Variants in EPG5 observed in about 807,000 individuals in gnomAD.
EPG5 encodes ectopic P-granules 5 autophagy tethering factor.
EPG5 carries 159 observed loss-of-function variants against 302.7 expected under a neutral mutation model. That is an observed-to-expected ratio of 0.53 (90% CI 0.46 to 0.60). The LOEUF is 0.60. Among genes scored for constraint, EPG5 ranks in the 20% least tolerant of loss-of-function variants. The pLI is 0.00. For synonymous variants in EPG5, 1,158 were observed against 1,136.8 expected, an observed-to-expected ratio of 1.02 and a Z score of -0.37; for missense variants, 2,896 against 3,092.4, an observed-to-expected ratio of 0.94 and a Z score of 1.51.
Position 45,908,098 on chromosome 18 carries a change from T to TA in EPG5, c.4206-18dup. 1 of 1,482,508 alleles carries TA rather than the reference T, an allele frequency of 6.7e-7. No homozygotes were observed. The highest frequency in any genetic ancestry group is 1.4e-5 in the African/African-American group (1 of 69,498). 91.8% of individuals were successfully genotyped at this position (1,482,508 alleles called of 1,614,324 possible). ...TTGAAGAGCCTAAAAGATAAAAACATAATTATACGAAACATAAAAAGATGA... is the reference window on the plus strand; with the variant it reads ...TTGAAGAGCCTAAAAGATAAAAACATAAATTATACGAAACATAAAAAGATGA... On this transcript the variant is annotated splice_polypyrimidine_tract_variant and intron_variant, in intron 23 of 43. Coordinates refer to ENST00000282041, the MANE Select transcript of EPG5 (RefSeq NM_020964.3).
At chr18:45,904,946 T>A (rs369297805) in intron 24 of EPG5, among the ~76,000 whole-genome samples, 1 of 152,124 alleles carries the variant, frequency 6.6e-6, no homozygotes, top group Non-Finnish European at 1.5e-5. Flanking sequence ...GGGCTATAGA[T>A]GAAACTAGAC....
At chr18:45,900,864 C>T in intron 26 of EPG5, 132 bp downstream of exon 26, 4 of 804,582 alleles carry the variant, frequency 5.0e-6, no homozygotes, top group East Asian at 2.6e-5. Context: ...CCAAGTGAAC[C>T]GTCTGGGCCA....
downstream of EPG5, chr18:45,843,634 C>G (rs1002504574): frequency 1.3e-5 from 2 of 152,222 alleles, no homozygotes; most frequent in African/African-American, 2.4e-5. Context: ...ATCCCAGCAC[C>G]CTGGGAGGCC....
intron 21 of EPG5, among the ~76,000 whole-genome samples, chr18:45,913,232 T>A (rs1480704044): frequency 6.6e-6 from 1 of 152,146 alleles, no homozygotes; most frequent in African/African-American, 2.4e-5. Flanking sequence ...AAAAGCAAAT[T>A]CTTTAACAGG....
chr18:45,859,537 C>T (rs1037861721), intron 40 of EPG5, among the ~76,000 whole-genome samples: 1 of 152,186 alleles, frequency 6.6e-6, no homozygotes, highest in Non-Finnish European at 1.5e-5. Flanking sequence ...GTGCTGTTCT[C>T]AGCAATTCTT....
intron 39 of EPG5, among the ~76,000 whole-genome samples, chr18:45,861,547 C>T (rs546930172): frequency 7.2e-5 from 11 of 152,178 alleles, no homozygotes; most frequent in Admixed American, 2.0e-4. Flanking sequence ...TATTATTCAA[C>T]CTTCCTGGTT....
intron 14 of EPG5, among the ~76,000 whole-genome samples, chr18:45,924,184 C>T (rs1004274084): frequency 9.9e-5 from 15 of 152,274 alleles, no homozygotes; most frequent in Middle Eastern, 6.8e-3. Flanking sequence ...CACTATCTTC[C>T]TTTGCAGCCT....
rs994903742 is a variant in EPG5 at position 45,954,670 on chromosome 18, T to C, written c.732A>G (p.Pro244=). The change falls in exon 2 of 44, where the codon CCA becomes CCG. Residue 244 remains proline (P), a synonymous_variant. Coordinates refer to ENST00000282041, the MANE Select transcript of EPG5 (RefSeq NM_020964.3). ...KPLLRSERLY[P]ELPSQLELVP... is the part of the protein sequence containing the mutation. ...CTAGTTCCAGTTGAGACGGGAGTTC[T>C]GGGTAGAGTCGCTCACTGCGAAGCA... 2.1e-5 allele frequency: 34 copies of C among 1,614,258 alleles called. No homozygotes were observed. Among genetic ancestry groups the C allele is most frequent in the Non-Finnish European group, 2.4e-5 (28 of 1,180,054 alleles).
intron 20 of EPG5, 41 bp from the exon 21 acceptor site, chr18:45,913,869 C>T (rs566483792): frequency 1.2e-5 from 20 of 1,603,602 alleles, no homozygotes; most frequent in East Asian, 6.7e-5. Flanking sequence ...AGGAGGAGCT[C>T]GCCCCACTGA....
intron 22 of EPG5, among the ~76,000 whole-genome samples, chr18:45,911,304 T>C (rs947711523): frequency 2.0e-5 from 3 of 147,210 alleles, no homozygotes; most frequent in South Asian, 2.2e-4. Flanking sequence ...TTTTTTTTTT[T>C]AGACAGACTC....
rs373515613 is a variant in EPG5 at position 45,867,614 on chromosome 18, G to A, written c.6360C>T (p.Leu2120=). Residue 2120 remains leucine (L), a synonymous_variant, in exon 37 of 44, where the codon CTC becomes CTT. Transcript: ENST00000282041. The stretch of plus-strand genomic sequence containing the variant: ...TTGCCAATAAAATCATCATGAAAAG[G>A]AGGCAGACAATCATGCTGCGGGTTT... ...HPETRSMIVC[L]LFMMILLAKE... 39 of 1,614,064 alleles carry A rather than the reference G, an allele frequency of 2.4e-5. No homozygotes were observed. The highest frequency in any genetic ancestry group is 1.3e-4 in the Admixed American group (8 of 60,012).
downstream of EPG5, among the ~76,000 whole-genome samples, chr18:45,844,870 T>C (rs1404408597): frequency 6.6e-6 from 1 of 152,226 alleles, no homozygotes; most frequent in Non-Finnish European, 1.5e-5. Context: ...TTGGAACATC[T>C]GCCTGGTCTT....
chr18:45,949,088 C>T (rs2050848993), intron 5 of EPG5, among the ~76,000 whole-genome samples: 1 of 152,164 alleles, frequency 6.6e-6, no homozygotes, highest in African/African-American at 2.4e-5. Flanking sequence ...CCTGAGATCT[C>T]TGCTAATATT....
At chr18:45,859,249 T>C (rs777432256) in intron 40 of EPG5, among the ~76,000 whole-genome samples, 1 of 152,266 alleles carries the variant, frequency 6.6e-6, no homozygotes, top group Non-Finnish European at 1.5e-5. Flanking sequence ...GTTTAACTCA[T>C]GTATTGAAAC....
At chr18:45,953,767 T>C (rs2050962502) in intron 2 of EPG5, 18 of 985,376 alleles carry the variant, frequency 1.8e-5, no homozygotes, top group Non-Finnish European at 2.2e-5. Context: ...TCCACTGGCA[T>C]CATCCTGGAG....
chr18:45,900,434 C>A (rs2049586452), intron 26 of EPG5, among the ~76,000 whole-genome samples: 1 of 148,756 alleles, frequency 6.7e-6, no homozygotes. Context: ...GAAATTGATT[C>A]ACATAGGATT....
chr18:45,899,553 GAA>G lies in EPG5; in HGVS notation c.4658_4659del (p.Leu1553ProfsTer11). 1 of 1,614,004 alleles carries G rather than the reference GAA, an allele frequency of 6.2e-7. No homozygotes were observed. Among genetic ancestry groups the G allele is most frequent in the South Asian group, 1.1e-5 (1 of 91,080 alleles). On this transcript the variant is annotated frameshift_variant, in exon 27 of 44. Transcript: ENST00000282041. LOFTEE classifies it high-confidence loss of function. ...LLQQQARTAA[L>X]RESQQVALDG... Reference sequence around the variant, plus strand: ...TCCAGAGCAACCTGCTGAGATTCCCGAAGAGCTGCGGTTCTGAAAAACATCAT... The same window carrying G: ...TCCAGAGCAACCTGCTGAGATTCCCGGAGCTGCGGTTCTGAAAAACATCAT...
At chr18:45,913,393 C>T (rs750697556) in intron 21 of EPG5, among the ~76,000 whole-genome samples, 4 of 152,060 alleles carry the variant, frequency 2.6e-5, no homozygotes, top group Non-Finnish European at 4.4e-5. Context: ...ACTCCAAATC[C>T]CAGAAGATGA....
At chr18:45,940,985 T>C (rs767468166) in intron 9 of EPG5, among the ~76,000 whole-genome samples, 1 of 152,168 alleles carries the variant, frequency 6.6e-6, no homozygotes, top group Non-Finnish European at 1.5e-5. Context: ...GGTAGTTGAA[T>C]ATACAATGTG....
Sources: gnomAD v4.1 joint callset for allele counts (sites outside exome capture counted in the v4.1 genomes callset) on GRCh38, gnomAD v4.1.1 for gene constraint, MANE v1.5 for transcripts, NCBI Gene and HGNC (gene_info 2026-07-23, HGNC 2026-07-21) for gene names.